CDK14: variants seen among roughly 807,000 people sequenced by gnomAD.
CDK14 encodes cyclin-dependent kinase 14.
A neutral mutation model predicts 60.7 loss-of-function variants in CDK14; 34 were observed. The observed-to-expected ratio is 0.56, with a 90% CI of 0.43 to 0.75. The LOEUF (loss-of-function observed/expected upper bound fraction) is 0.75, where lower values mean the gene tolerates loss of function less well. CDK14 is among the 30% of genes least tolerant of loss of function. CDK14 has a pLI of 0.00. For synonymous variants in CDK14, 197 were observed against 203.7 expected (o/e 0.97, Z 0.28); for missense variants, 482 against 564.1 (o/e 0.85, Z 1.47).
chr7:90,968,181 T>C (rs975211285), intron 9 of CDK14, among the ~76,000 whole-genome samples: 7 of 152,228 alleles, frequency 4.6e-5, no homozygotes, highest in African/African-American at 9.6e-5. Flanking sequence ...TATTATGTAA[T>C]TGGTAAACTT....
rs889303857 is a variant in CDK14 at position 91,175,381 on chromosome 7, T to G, written c.*29-31784T>G. Among the ~76,000 whole-genome samples the G allele has an allele frequency of 4.6e-5, 7 of 150,598 alleles. No homozygotes were observed. The South Asian group carries it at 8.5e-4, about 18-fold the overall frequency. On this transcript the variant is annotated intron_variant, in intron 14 of 14. Transcript: ENST00000380050. ...GCCAAAATGTAAAGACCATCGAGAC[T>G]AGGAAGAAACTGCATCAACTAACGA... is the stretch of plus-strand genomic sequence containing the variant.
intron 2 of CDK14, among the ~76,000 whole-genome samples, chr7:90,668,347 GT>G (rs1801027219): frequency 6.6e-6 from 1 of 152,096 alleles, no homozygotes; most frequent in Non-Finnish European, 1.5e-5. Flanking sequence ...TCCTAGCCTA[GT>G]TTTTAAGTAG....
chr7:91,143,382 A>G (rs1800523000), intron 14 of CDK14, among the ~76,000 whole-genome samples: 1 of 152,218 alleles, frequency 6.6e-6, no homozygotes, highest in Non-Finnish European at 1.5e-5. Context: ...TCTTATTTCT[A>G]GAGATGGCTG....
chr7:90,947,785 T>C (rs1326360797), intron 8 of CDK14, among the ~76,000 whole-genome samples: 1 of 152,186 alleles, frequency 6.6e-6, no homozygotes, highest in East Asian at 1.9e-4. Context: ...TCATACTAAT[T>C]TTTTCTTTTA....
At chr7:90,775,862 T>C (rs1277476381) in intron 4 of CDK14, among the ~76,000 whole-genome samples, 1 of 151,630 alleles carries the variant, frequency 6.6e-6, no homozygotes, top group African/African-American at 2.4e-5. Flanking sequence ...CAGAATTCCT[T>C]TCTTCATAGT....
At chr7:90,674,120 T>C (rs1801152102) in intron 2 of CDK14, among the ~76,000 whole-genome samples, 2 of 152,330 alleles carry the variant, frequency 1.3e-5, no homozygotes, top group Admixed American at 6.5e-5. Flanking sequence ...GGACATCAAA[T>C]TGCACAGAAA....
chr7:91,023,878 T>G (rs1456100614), intron 10 of CDK14, among the ~76,000 whole-genome samples: 2 of 152,150 alleles, frequency 1.3e-5, no homozygotes, highest in Non-Finnish European at 2.9e-5. Flanking sequence ...GTTCAGGCAA[T>G]TCTCCTGCCT....
At chr7:90,692,705 A>G (rs1288895778) in intron 2 of CDK14, 1 of 944,690 alleles carries the variant, frequency 1.1e-6, no homozygotes, top group Non-Finnish European at 1.3e-6. Flanking sequence ...GGAATAAATT[A>G]TATATATAAT....
At chr7:90,696,444 G>A (rs1488267097) in intron 2 of CDK14, among the ~76,000 whole-genome samples, 3 of 149,424 alleles carry the variant, frequency 2.0e-5, no homozygotes, top group African/African-American at 7.4e-5. Flanking sequence ...GGGTTCAAGT[G>A]ATTCTTGTGC....
chr7:90,651,388 G>C (rs1800637226), intron 2 of CDK14, among the ~76,000 whole-genome samples: 1 of 150,968 alleles, frequency 6.6e-6, no homozygotes, highest in Non-Finnish European at 1.5e-5. Context: ...TCCCTCCTTT[G>C]AGCACCCAGA....
chr7:91,097,000 T>C (rs705357), intron 12 of CDK14, among the ~76,000 whole-genome samples: 108,311 of 152,102 alleles, frequency 0.71, 38,751 homozygotes, highest in East Asian at 0.89. Context: ...AATTTTTTCT[T>C]TTCACAAAAG....
intron 2 of CDK14, among the ~76,000 whole-genome samples, chr7:90,633,437 G>A (rs1800051331): frequency 6.6e-6 from 1 of 152,136 alleles, no homozygotes; most frequent in Admixed American, 6.5e-5. Flanking sequence ...GGTCAGTGGT[G>A]TTAACTAGTT....
chr7:90,640,037 C>T (rs1397764142), intron 2 of CDK14, among the ~76,000 whole-genome samples: 1 of 152,040 alleles, frequency 6.6e-6, no homozygotes, highest in Non-Finnish European at 1.5e-5. Flanking sequence ...CTTTCCTTGA[C>T]CAGGAAAGGG....
At chr7:90,694,195 A>G (rs1268518928) in intron 2 of CDK14, among the ~76,000 whole-genome samples, 2 of 152,222 alleles carry the variant, frequency 1.3e-5, no homozygotes, top group East Asian at 1.9e-4. Context: ...GCAGTCAAAG[A>G]TGGAATAACT....
At chr7:90,853,590 A>G (rs1188692576) in intron 5 of CDK14, among the ~76,000 whole-genome samples, 3 of 152,198 alleles carry the variant, frequency 2.0e-5, no homozygotes, top group East Asian at 3.8e-4. Flanking sequence ...GAGCCATAGC[A>G]CAGTGATTTT....
rs1254167793 is a variant in CDK14 at position 90,729,621 on chromosome 7, A to G, written c.369+2809A>G. On this transcript the variant is annotated intron_variant, in intron 3 of 14. Coordinates refer to ENST00000380050, the MANE Select transcript of CDK14 (RefSeq NM_001287135.2). ...AGTTTCTTTAGATCATCTTGGGCTTACCCTTTCCTGGTTCACCCTGGGATG... is the reference window on the plus strand; with the variant it reads ...AGTTTCTTTAGATCATCTTGGGCTTGCCCTTTCCTGGTTCACCCTGGGATG... Among the ~76,000 whole-genome samples, 3 of 151,286 alleles carry G rather than the reference A, an allele frequency of 2.0e-5. No individual in the cohort carries two copies. The South Asian group carries it at 6.2e-4, about 31-fold the overall frequency.
intron 12 of CDK14, among the ~76,000 whole-genome samples, chr7:91,105,923 A>G (rs1799282628): frequency 6.6e-6 from 1 of 152,246 alleles, no homozygotes; most frequent in Non-Finnish European, 1.5e-5. Flanking sequence ...ATTAGATGCA[A>G]TTGATTAAAT....
intron 10 of CDK14, among the ~76,000 whole-genome samples, chr7:91,003,200 A>G (rs1306010149): frequency 6.6e-6 from 1 of 152,220 alleles, no homozygotes; most frequent in African/African-American, 2.4e-5. Flanking sequence ...GTCACTCTTA[A>G]TTCTTATCCT....
At chr7:90,787,538 A>C (rs1805646068) in intron 4 of CDK14, among the ~76,000 whole-genome samples, 2 of 152,186 alleles carry the variant, frequency 1.3e-5, no homozygotes. Flanking sequence ...TTTTGCAGGT[A>C]TGATGAGGAA....
Sources: gnomAD v4.1 joint callset for allele counts (sites outside exome capture counted in the v4.1 genomes callset) on GRCh38, gnomAD v4.1.1 for gene constraint, MANE v1.5 for transcripts, NCBI Gene and HGNC (gene_info 2026-07-23, HGNC 2026-07-21) for gene names.